The following NOL4 variants were observed in gnomAD, a reference collection of about 807,000 sequenced individuals.
The protein encoded by NOL4 is cancer/testis antigen 125.
NOL4 carries 17 observed loss-of-function variants against 75.9 expected under a neutral mutation model. That is an observed-to-expected ratio of 0.22 (90% confidence interval 0.15 to 0.34). The LOEUF (loss-of-function observed/expected upper bound fraction) is 0.34. Among genes scored for constraint, NOL4 ranks in the 10% least tolerant of loss-of-function variants. The pLI is 1.00. For missense variants in NOL4, 614 were observed against 793.5 expected, an observed-to-expected ratio of 0.77 and a Z score of 2.72; for synonymous variants, 292 against 289.9, an observed-to-expected ratio of 1.01 and a Z score of -0.07.
At chr18:34,174,104 A>G (rs1337671677) in intron 1 of NOL4, among the ~76,000 whole-genome samples, 1 of 152,196 alleles carries the variant, frequency 6.6e-6, no homozygotes, top group East Asian at 1.9e-4. Flanking sequence ...TGAAGTGGAT[A>G]ATGACTGGCA....
At chr18:33,894,863 G>C (rs2065304706) in intron 9 of NOL4, among the ~76,000 whole-genome samples, 1 of 152,044 alleles carries the variant, frequency 6.6e-6, no homozygotes, top group South Asian at 2.1e-4. Context: ...TGATCAAAGG[G>C]TGCAAAGTTT....
intron 1 of NOL4, among the ~76,000 whole-genome samples, chr18:34,139,226 T>C (rs1359665930): frequency 1.3e-5 from 2 of 152,216 alleles, no homozygotes; most frequent in African/African-American, 4.8e-5. Flanking sequence ...CTTTTTCTAT[T>C]GATTGGAATA....
intron 5 of NOL4, among the ~76,000 whole-genome samples, chr18:34,052,683 A>AT (rs1187340528): frequency 1.3e-5 from 2 of 152,074 alleles, no homozygotes; most frequent in African/African-American, 4.8e-5. Context: ...ATGGTCTAGT[A>AT]TTATAGTACA....
intron 1 of NOL4, among the ~76,000 whole-genome samples, chr18:34,203,685 CCTCT>C (rs1226376797): frequency 0.019 from 1,938 of 100,670 alleles, 88 homozygotes; most frequent in African/African-American, 0.065. Context: ...TCTCTCTCTC[CCTCT>C]CTCTCTCTCT....
intron 1 of NOL4, among the ~76,000 whole-genome samples, chr18:34,182,719 TA>T (rs1285352113): frequency 2.6e-5 from 4 of 151,482 alleles, no homozygotes; most frequent in Non-Finnish European, 5.9e-5. Flanking sequence ...GGATTTTTTT[TA>T]AAAAAATTAA....
Position 34,065,080 on chromosome 18 carries a change from T to C in NOL4, c.772+28385A>G, listed in dbSNP as rs1025795980. Among the ~76,000 whole-genome samples the C allele has an allele frequency of 4.6e-5, 7 of 152,044 alleles. No individual in the cohort carries two copies. In the East Asian group the frequency reaches 1.2e-3, roughly 25 times the overall value. On this transcript the variant is annotated intron_variant, in intron 5 of 10. Coordinates refer to ENST00000261592, the MANE Select transcript of NOL4 (RefSeq NM_003787.5). Reference sequence around the variant, plus strand: ...AATTCAATAAAAACAGGCAGTCAACTTGAATAAAAAGGGTTAGATAATGAT... The same window carrying C: ...AATTCAATAAAAACAGGCAGTCAACCTGAATAAAAAGGGTTAGATAATGAT...
rs140499076 is a variant in NOL4, at chr18:33,941,377, G to A, written c.1542+1688C>T. 4.0e-3 allele frequency among the ~76,000 whole-genome samples: 611 copies of A among 151,980 alleles called. 3 individuals carry two copies. Among genetic ancestry groups the A allele is most frequent in the Non-Finnish European group, 6.6e-3 (446 of 67,916 alleles). ...GATATTCTAGAATGTACATTAGGTG[G>A]GATGTATAGCTAGACAACAACCAGG... On this transcript the variant is annotated intron_variant, in intron 9 of 10. Coordinates refer to ENST00000261592, the MANE Select transcript of NOL4 (RefSeq NM_003787.5).
intron 1 of NOL4, among the ~76,000 whole-genome samples, chr18:34,215,577 C>T (rs2036830534): frequency 6.6e-6 from 1 of 152,110 alleles, no homozygotes; most frequent in Non-Finnish European, 1.5e-5. Flanking sequence ...TAAAGTTGTG[C>T]TGCTATCCAT....
intron 2 of NOL4, among the ~76,000 whole-genome samples, chr18:34,112,620 TA>T (rs1256967950): frequency 2.0e-5 from 3 of 152,096 alleles, no homozygotes; most frequent in Non-Finnish European, 4.4e-5. Context: ...AAGACAAGCA[TA>T]ATCTCACCTG....
In NOL4 at chr18:33,923,850, CTTTT is replaced by C. The variant is rs757077840; in HGVS notation, c.1542+19211_1542+19214del. Among the ~76,000 whole-genome samples, 50 of 152,218 alleles carry C rather than the reference CTTTT, an allele frequency of 3.3e-4. No homozygotes were observed. In the Middle Eastern group the frequency reaches 0.01, roughly 31 times the overall value. ...ACCAGTTTACAGCATCTAAACCTTT[CTTTT>C]GTCAGCTATACTGTTTAAAATATCT... is the stretch of plus-strand genomic sequence containing the variant. On this transcript the variant is annotated intron_variant, in intron 9 of 10. Coordinates refer to ENST00000261592, the MANE Select transcript of NOL4 (RefSeq NM_003787.5).
At chr18:33,958,103 A>G in intron 7 of NOL4, 136 bp downstream of exon 7, 1 of 818,344 alleles carries the variant, frequency 1.2e-6, no homozygotes, top group Non-Finnish European at 1.9e-6. Flanking sequence ...GTTGGCAAAG[A>G]GTGTTTCATG....
In NOL4 at chr18:34,223,001, C is replaced by T; in HGVS notation, c.253G>A (p.Val85Ile). The change falls in exon 1 of 11, where the codon GTC becomes ATC. Residue 85 changes from valine to isoleucine, a missense_variant. Coordinates refer to ENST00000261592, the MANE Select transcript of NOL4 (RefSeq NM_003787.5). ...GGAKQVLYVP[V>I]KTTDGVGVDE... ...GGCGAGTCACTCACCGTGGTCTTGA[C>T]AGGCACGTAGAGCACTTGCTTGGCG... The T allele has an allele frequency of 1.2e-6, 2 of 1,608,494 alleles. No individual in the cohort carries two copies. Among genetic ancestry groups the T allele is most frequent in the Non-Finnish European group, 8.5e-7 (1 of 1,179,884 alleles).
At chr18:34,120,458 A>C (rs1209305275) in intron 2 of NOL4, among the ~76,000 whole-genome samples, 1 of 152,202 alleles carries the variant, frequency 6.6e-6, no homozygotes, top group Non-Finnish European at 1.5e-5. Context: ...ATCTAATAAA[A>C]AAACACTGTT....
At chr18:34,093,326 T>C (rs1055921008) in intron 5 of NOL4, 139 bp downstream of exon 5, 4 of 818,564 alleles carry the variant, frequency 4.9e-6, no homozygotes, top group Non-Finnish European at 7.4e-6. Context: ...ATAACCTAAA[T>C]ACATAGAGAA....
chr18:34,093,802 G>A (rs2078638941), intron 4 of NOL4, among the ~76,000 whole-genome samples: 1 of 152,176 alleles, frequency 6.6e-6, no homozygotes, highest in Non-Finnish European at 1.5e-5. Flanking sequence ...CACTTTCAGA[G>A]GCTGAGGAGG....
At chr18:34,198,261 T>G (rs1198175913) in intron 1 of NOL4, among the ~76,000 whole-genome samples, 1 of 151,916 alleles carries the variant, frequency 6.6e-6, no homozygotes, top group Non-Finnish European at 1.5e-5. Flanking sequence ...TTGTCTTTAT[T>G]TTTTACTTTT....
In NOL4 at chr18:34,056,963, T is replaced by G. The variant is rs542709355; in HGVS notation, c.772+36502A>C. On this transcript the variant is annotated intron_variant, in intron 5 of 10. Transcript: ENST00000261592. Reference sequence around the variant, plus strand: ...ATACTTAAAGATGATAGTTGGTTACTGAAAAGTAACATTGAACAAGGCTTT... The same window carrying G: ...ATACTTAAAGATGATAGTTGGTTACGGAAAAGTAACATTGAACAAGGCTTT... Among the ~76,000 whole-genome samples, 3 of 152,332 alleles carry G rather than the reference T, an allele frequency of 2.0e-5. No homozygotes were observed. The East Asian group carries it at 5.8e-4, about 29-fold the overall frequency.
At chr18:34,085,554 T>C (rs1320188691) in intron 5 of NOL4, among the ~76,000 whole-genome samples, 1 of 152,160 alleles carries the variant, frequency 6.6e-6, no homozygotes, top group African/African-American at 2.4e-5. Flanking sequence ...GACTGGTCTC[T>C]AGGGTGTGGC....
At chr18:33,959,341 T>C (rs2069912978) in intron 6 of NOL4, among the ~76,000 whole-genome samples, 1 of 152,120 alleles carries the variant, frequency 6.6e-6, no homozygotes, top group South Asian at 2.1e-4. Context: ...TCACTTTTCA[T>C]TTTGGGATTA....
Sources: gnomAD v4.1 joint callset for allele counts (sites outside exome capture counted in the v4.1 genomes callset) on GRCh38, gnomAD v4.1.1 for gene constraint, MANE v1.5 for transcripts, NCBI Gene and HGNC (gene_info 2026-07-23, HGNC 2026-07-21) for gene names.